The following TNR variants were observed in gnomAD, a reference collection of about 807,000 sequenced individuals.
TNR encodes the protein tenascin R.
Under a neutral mutation model 150.4 loss-of-function variants are expected in TNR, and 45 were observed. The ratio of observed to expected loss-of-function variants is 0.30; its 90% CI spans 0.24 to 0.38. TNR has a LOEUF of 0.38. Ranked by LOEUF, TNR falls within the 10% of genes least tolerant of loss-of-function variation. TNR has a pLI of 1.00. For synonymous variants in TNR, 687 were observed against 678.4 expected (o/e 1.01, Z -0.20); for missense variants, 1,544 against 1,759.1 (o/e 0.88, Z 2.19).
At chr1:175,424,862 C>T (rs182282732) in intron 2 of TNR, among the ~76,000 whole-genome samples, 10 of 152,124 alleles carry the variant, frequency 6.6e-5, no homozygotes, top group African/African-American at 1.2e-4. Context: ...GTCTGGAGCA[C>T]GTGCTCAGAA....
chr1:175,721,497 C>T (rs958084977), intron 1 of TNR, among the ~76,000 whole-genome samples: 4 of 152,140 alleles, frequency 2.6e-5, no homozygotes, highest in Non-Finnish European at 4.4e-5. Context: ...ACTGATCTGT[C>T]GCCATTCCAC....
intron 2 of TNR, among the ~76,000 whole-genome samples, chr1:175,459,963 C>T (rs1188855051): frequency 1.3e-5 from 2 of 152,124 alleles, no homozygotes; most frequent in Non-Finnish European, 1.5e-5. Flanking sequence ...GCAGTAATAA[C>T]GGCTCTTTTC....
chr1:175,638,711 T>C (rs1255027885), intron 1 of TNR, among the ~76,000 whole-genome samples: 9 of 152,180 alleles, frequency 5.9e-5, no homozygotes, highest in Admixed American at 5.2e-4. Context: ...CCATGATGAT[T>C]GGATGACTCT....
intron 2 of TNR, among the ~76,000 whole-genome samples, chr1:175,460,566 G>A (rs1656767924): frequency 6.6e-6 from 1 of 152,202 alleles, no homozygotes; most frequent in African/African-American, 2.4e-5. Flanking sequence ...GAGAACTCCT[G>A]TGTTTTTACA....
intron 1 of TNR, among the ~76,000 whole-genome samples, chr1:175,533,750 CA>C (rs1660161786): frequency 6.6e-6 from 1 of 152,136 alleles, no homozygotes. Context: ...AGTGGAGGAT[CA>C]AAATGAACAG....
intron 2 of TNR, among the ~76,000 whole-genome samples, chr1:175,426,102 C>T (rs1654956611): frequency 6.6e-6 from 1 of 152,180 alleles, no homozygotes; most frequent in Non-Finnish European, 1.5e-5. Flanking sequence ...CAGGGAGACT[C>T]AGCCTCCAAG....
intron 1 of TNR, among the ~76,000 whole-genome samples, chr1:175,545,593 A>T (rs1169799276): frequency 6.6e-6 from 1 of 152,214 alleles, no homozygotes; most frequent in African/African-American, 2.4e-5. Flanking sequence ...AAAAATAATG[A>T]TAGCAAACAC....
rs190188169 is a variant in TNR at position 175,399,876 on chromosome 1, A to G, written c.977-3069T>C. Reference sequence around the variant, plus strand: ...CACTTATGTGGTGAGAGCAGTTGGAATTAGTTCCATGATGTGTCTTACTCC... The same window carrying G: ...CACTTATGTGGTGAGAGCAGTTGGAGTTAGTTCCATGATGTGTCTTACTCC... On this transcript the variant is annotated intron_variant, in intron 4 of 22. Coordinates refer to ENST00000367674, the MANE Select transcript of TNR (RefSeq NM_003285.3). Among the ~76,000 whole-genome samples, 239 of 152,342 alleles carry G rather than the reference A, an allele frequency of 1.6e-3. 1 individual carries two copies. Among genetic ancestry groups the G allele is most frequent in the Middle Eastern group, 6.8e-3 (2 of 294 alleles).
chr1:175,466,956 T>C lies in TNR; in HGVS notation c.-63-60179A>G, dbSNP rs985797165. ...CTTGCTCTCTGGGGTCTGATTAAAT[T>C]GTGGCAGAGGTGGGAGAAATGGGAC... is the stretch of plus-strand genomic sequence containing the variant. On this transcript the variant is annotated intron_variant, in intron 2 of 22. Coordinates refer to ENST00000367674, the MANE Select transcript of TNR (RefSeq NM_003285.3). Among the ~76,000 whole-genome samples, 12 of 152,146 alleles carry C rather than the reference T, an allele frequency of 7.9e-5. No individual in the cohort carries two copies. The East Asian group carries it at 1.5e-3, about 20-fold the overall frequency.
chr1:175,524,963 C>G (rs1192042510), intron 2 of TNR, among the ~76,000 whole-genome samples: 1 of 152,172 alleles, frequency 6.6e-6, no homozygotes, highest in African/African-American at 2.4e-5. Context: ...CCTCTTTCCC[C>G]TTCCATAGTG....
chr1:175,509,540 A>C (rs1659084404), intron 2 of TNR, among the ~76,000 whole-genome samples: 1 of 151,956 alleles, frequency 6.6e-6, no homozygotes, highest in Non-Finnish European at 1.5e-5. Flanking sequence ...TAACTCCCTG[A>C]CCCTCACTTT....
intron 2 of TNR, among the ~76,000 whole-genome samples, chr1:175,468,654 G>A (rs1657139803): frequency 6.6e-6 from 1 of 152,056 alleles, no homozygotes. Context: ...AGTATGACCC[G>A]GAGCATCCCA....
At chr1:175,528,944 G>C (rs769548388) in intron 1 of TNR, among the ~76,000 whole-genome samples, 3 of 152,224 alleles carry the variant, frequency 2.0e-5, no homozygotes, top group African/African-American at 2.4e-5. Context: ...GTGCATAAAA[G>C]TTCAACAAAG....
At chr1:175,467,204 G>T (rs972324822) in intron 2 of TNR, among the ~76,000 whole-genome samples, 1 of 152,206 alleles carries the variant, frequency 6.6e-6, no homozygotes, top group Non-Finnish European at 1.5e-5. Context: ...GGGGAATGTG[G>T]TCTGCCTGAG....
At position 175,403,167 on chromosome 1, in the gene TNR, C is replaced by G. The variant is rs1284225962; in HGVS notation, c.949G>C (p.Gly317Arg). The change falls in exon 4 of 23, where the codon GGC becomes CGC. Residue 317 changes from glycine to arginine, a missense_variant. By Grantham distance (125) the Gly-to-Arg change is moderately radical. Coordinates refer to ENST00000367674, the MANE Select transcript of TNR (RefSeq NM_003285.3). ...CEEGLCVCEE[G>R]YQGPDCSAVA... ...GCTGAGCAGTCAGGGCCCTGGTAGC[C>G]CTCTTCACAGACGCAGAGCCCCTCC... is the stretch of plus-strand genomic sequence containing the variant. The G allele has an allele frequency of 1.2e-6, 2 of 1,613,738 alleles. No individual in the cohort carries two copies. The highest frequency in any genetic ancestry group is 2.7e-5 in the African/African-American group (2 of 74,916).
At chr1:175,419,858 G>A (rs900521960) in intron 2 of TNR, among the ~76,000 whole-genome samples, 1 of 152,112 alleles carries the variant, frequency 6.6e-6, no homozygotes, top group South Asian at 2.1e-4. Flanking sequence ...GTGCACTGCT[G>A]TGTGGGACTC....
intron 1 of TNR, among the ~76,000 whole-genome samples, chr1:175,655,224 GAGGTAAATAA>G (rs1456555010): frequency 6.6e-6 from 1 of 152,136 alleles, no homozygotes; most frequent in Non-Finnish European, 1.5e-5. Flanking sequence ...AATGTTCCAG[GAGGTAAATAA>G]AAAATACAAT....
intron 1 of TNR, among the ~76,000 whole-genome samples, chr1:175,550,248 G>A (rs1466327691): frequency 1.3e-5 from 2 of 152,152 alleles, no homozygotes; most frequent in South Asian, 2.1e-4. Flanking sequence ...ACTGCAAACC[G>A]GAAGACTAGG....
At chr1:175,598,821 C>T (rs1682075347) in intron 1 of TNR, among the ~76,000 whole-genome samples, 1 of 152,142 alleles carries the variant, frequency 6.6e-6, no homozygotes, top group South Asian at 2.1e-4. Flanking sequence ...GGCACCCAGC[C>T]GCTCAGTGGC....
Sources: gnomAD v4.1 joint callset for allele counts (sites outside exome capture counted in the v4.1 genomes callset) on GRCh38, gnomAD v4.1.1 for gene constraint, MANE v1.5 for transcripts, NCBI Gene and HGNC (gene_info 2026-07-23, HGNC 2026-07-21) for gene names.